Variants in CSMD1 observed in about 807,000 individuals in gnomAD.
CSMD1 encodes the protein CUB and sushi domain-containing protein 1.
A neutral mutation model predicts 417.5 loss-of-function variants in CSMD1; 213 were observed. The observed-to-expected ratio is 0.51, with a 90% CI of 0.46 to 0.57. The LOEUF is 0.57. CSMD1 is among the 20% of genes least tolerant of loss of function. The probability of loss-of-function intolerance (pLI) is 0.00; values close to 1 mark genes in which losing one functional copy is unlikely to be tolerated. For missense variants in CSMD1, 6,923 were observed against 4,529.7 expected, an observed-to-expected ratio of 1.53 and a Z score of -15.17; for synonymous variants, 2,862 against 1,736.8, an observed-to-expected ratio of 1.65 and a Z score of -16.11.
chr8:4,405,578 C>G (rs1404146537), intron 3 of CSMD1, among the ~76,000 whole-genome samples: 2 of 152,096 alleles, frequency 1.3e-5, no homozygotes, highest in African/African-American at 4.8e-5. Flanking sequence ...ATACACTATA[C>G]AAAACGTGAG....
intron 23 of CSMD1, among the ~76,000 whole-genome samples, chr8:3,308,732 GTTTTTTTTT>G (rs5888961): frequency 6.5e-4 from 71 of 108,954 alleles, no homozygotes; most frequent in African/African-American, 2.5e-3. Flanking sequence ...CTACTTACAA[GTTTTTTTTT>G]TTTTTTTTTT....
intron 3 of CSMD1, among the ~76,000 whole-genome samples, chr8:4,400,507 A>G (rs1313240309): frequency 6.6e-6 from 1 of 152,224 alleles, no homozygotes; most frequent in African/African-American, 2.4e-5. Context: ...CGAGTTCTAA[A>G]AAAGTCAATA....
chr8:4,402,306 T>G (rs956883878), intron 3 of CSMD1, among the ~76,000 whole-genome samples: 1 of 151,946 alleles, frequency 6.6e-6, no homozygotes, highest in Non-Finnish European at 1.5e-5. Flanking sequence ...TTCTCTCCTC[T>G]TTCCCTCCTT....
chr8:4,824,174 T>C (rs1655048521), intron 1 of CSMD1, among the ~76,000 whole-genome samples: 1 of 152,024 alleles, frequency 6.6e-6, no homozygotes, highest in Admixed American at 6.6e-5. Context: ...TATATATTTT[T>C]GGACAAAGTA....
rs75223191 is a variant in CSMD1, at chr8:3,733,168, T to TACACAC, written c.931+20756_931+20761dup. ...AGACTCAGTACCAGGAGGCCATAAATACACACACACACACACACACACACA... is the reference window on the plus strand; with the variant it reads ...AGACTCAGTACCAGGAGGCCATAAATACACACACACACACACACACACACACACACA... On this transcript the variant is annotated intron_variant, in intron 6 of 69. Coordinates refer to ENST00000635120, the MANE Select transcript of CSMD1 (RefSeq NM_033225.6). Among the ~76,000 whole-genome samples, 558 of 140,466 alleles carry TACACAC rather than the reference T, an allele frequency of 4.0e-3. 4 individuals carry two copies. The highest frequency in any genetic ancestry group is 0.014 in the African/African-American group (498 of 36,300). The allele number at this position is 140,466 out of a possible 152,430, so 92.2% of individuals were successfully genotyped here. A position where few individuals can be genotyped will look rare whatever the true frequency, so the allele number is the denominator to read the frequency against.
intron 2 of CSMD1, among the ~76,000 whole-genome samples, chr8:4,492,661 A>G (rs760510838): frequency 6.6e-6 from 1 of 152,212 alleles, no homozygotes; most frequent in Non-Finnish European, 1.5e-5. Context: ...TGATCAAAAT[A>G]TGTAGACAAC....
intron 3 of CSMD1, among the ~76,000 whole-genome samples, chr8:4,380,502 C>T (rs1477722197): frequency 6.6e-6 from 1 of 152,178 alleles, no homozygotes. Flanking sequence ...ACCTGAGAAA[C>T]CGTCACAGCC....
intron 3 of CSMD1, among the ~76,000 whole-genome samples, chr8:4,255,250 T>C (rs951050634): frequency 6.6e-5 from 10 of 152,298 alleles, no homozygotes; most frequent in Admixed American, 6.5e-4. Flanking sequence ...TAAAATTTTA[T>C]CCAGTGAATA....
At position 3,528,149 on chromosome 8, in the gene CSMD1, G is replaced by T. The variant is rs1261524959; in HGVS notation, c.1345-34423C>A. On this transcript the variant is annotated intron_variant, in intron 10 of 69. Coordinates refer to ENST00000635120, the MANE Select transcript of CSMD1 (RefSeq NM_033225.6). ...TTATTTTACAAAGGGAGCTGACATA[G>T]AATTATTTTGCATGGTTAACTCCCC... Among the ~76,000 whole-genome samples the T allele has an allele frequency of 2.0e-5, 3 of 152,326 alleles. No individual in the cohort carries two copies. In the East Asian group the frequency reaches 5.8e-4, roughly 29 times the overall value.
intron 7 of CSMD1, among the ~76,000 whole-genome samples, chr8:3,699,987 C>A (rs1270615988): frequency 1.3e-5 from 2 of 152,082 alleles, no homozygotes; most frequent in African/African-American, 2.4e-5. Flanking sequence ...TTCAATTCAC[C>A]ACCTGAGCAT....
intron 4 of CSMD1, among the ~76,000 whole-genome samples, chr8:4,018,179 C>A (rs1257919770): frequency 6.6e-6 from 1 of 152,052 alleles, no homozygotes; most frequent in Admixed American, 6.6e-5. Context: ...AAAATAAATA[C>A]ACATCTTTTA....
At chr8:3,901,658 G>A (rs1807761856) in intron 5 of CSMD1, among the ~76,000 whole-genome samples, 2 of 152,202 alleles carry the variant, frequency 1.3e-5, no homozygotes, top group Admixed American at 6.5e-5. Flanking sequence ...TCCAATTTAT[G>A]TTCACAGAAT....
intron 3 of CSMD1, among the ~76,000 whole-genome samples, chr8:4,178,312 A>C (rs1444636642): frequency 1.3e-5 from 2 of 151,916 alleles, no homozygotes; most frequent in African/African-American, 4.8e-5. Context: ...GCATATAAAC[A>C]GAACCAAAGA....
chr8:3,981,762 G>A (rs190201329), intron 5 of CSMD1, among the ~76,000 whole-genome samples: 2 of 152,098 alleles, frequency 1.3e-5, no homozygotes. Flanking sequence ...CCTGCCGTCC[G>A]ACAGGCTGTG....
chr8:4,251,264 G>C (rs1803050246), intron 3 of CSMD1, among the ~76,000 whole-genome samples: 2 of 152,092 alleles, frequency 1.3e-5, no homozygotes, highest in African/African-American at 2.4e-5. Flanking sequence ...TGGGTATATG[G>C]AAGGCTTTTT....
chr8:4,615,780 A>G (rs978241134), intron 2 of CSMD1, among the ~76,000 whole-genome samples: 10 of 152,308 alleles, frequency 6.6e-5, no homozygotes, highest in Middle Eastern at 3.4e-3. Flanking sequence ...ATACTACTTC[A>G]ATACTTAACA....
chr8:4,212,124 G>A (rs1473631545), intron 3 of CSMD1, among the ~76,000 whole-genome samples: 1 of 151,318 alleles, frequency 6.6e-6, no homozygotes, highest in East Asian at 1.9e-4. Flanking sequence ...GACCATGTAG[G>A]AGAAGAAGTG....
At chr8:3,996,538 A>G (rs1383034100) in intron 5 of CSMD1, among the ~76,000 whole-genome samples, 1 of 152,140 alleles carries the variant, frequency 6.6e-6, no homozygotes, top group Non-Finnish European at 1.5e-5. Flanking sequence ...AACTTAGGTT[A>G]TCCACCTCTC....
intron 5 of CSMD1, among the ~76,000 whole-genome samples, chr8:3,880,472 G>T (rs983441584): frequency 6.6e-6 from 1 of 152,096 alleles, no homozygotes; most frequent in Non-Finnish European, 1.5e-5. Flanking sequence ...ATATCTCGCT[G>T]CTTCACTTTA....
Sources: allele counts gnomAD v4.1 joint callset (sites outside exome capture counted in the v4.1 genomes callset), GRCh38; gene constraint gnomAD v4.1.1; transcripts MANE v1.5; gene names NCBI Gene and HGNC (gene_info 2026-07-23, HGNC 2026-07-21).